Variants in OS9 observed in about 807,000 individuals in gnomAD.
OS9 encodes the protein OS9 endoplasmic reticulum lectin, also known as protein OS-9.
In OS9, 58 loss-of-function variants were observed where a neutral mutation model predicts 84.7. That is an observed-to-expected ratio of 0.68 (90% CI 0.55 to 0.85). The LOEUF (loss-of-function observed/expected upper bound fraction) is 0.85, where lower values mean the gene tolerates loss of function less well. Ranked by LOEUF, OS9 falls within the 40% of genes least tolerant of loss-of-function variation. The pLI is 0.00. For missense variants in OS9, 760 were observed against 850.9 expected (o/e 0.89, Z 1.33); for synonymous variants, 278 against 320.8 (o/e 0.87, Z 1.43).
intron 5 of OS9, among the ~76,000 whole-genome samples, chr12:57,699,192 T>C (rs1953949581): frequency 6.6e-6 from 1 of 152,026 alleles, no homozygotes; most frequent in African/African-American, 2.4e-5. Context: ...AGGAAAATGG[T>C]GAGTTTGGCT....
intron 1 of OS9, 105 bp downstream of exon 1, chr12:57,694,428 C>T (rs1953761318): frequency 7.3e-6 from 9 of 1,231,038 alleles, no homozygotes; most frequent in Non-Finnish European, 7.0e-6. Context: ...TACGGGGAAT[C>T]GGGAAGAGTA....
At position 57,718,396 on chromosome 12, in the gene OS9, G is replaced by A. The variant is rs773646078; in HGVS notation, c.1385G>A (p.Arg462Gln). 25 of 1,613,790 alleles carry A rather than the reference G, an allele frequency of 1.5e-5. No homozygotes were observed. The Middle Eastern group carries it at 1.2e-3, about 75-fold the overall frequency. The change falls in exon 11 of 15, where the codon CGG (arginine) becomes CAG (glutamine). Residue 462 changes from arginine (R) to glutamine (Q), a missense_variant. Transcript: ENST00000315970. The stretch of plus-strand genomic sequence containing the variant: ...TCGGAGGTGAAGGCTGGCATGGAGC[G>A]GGAACTGGAAAACATCATCCAGGAG... ...LRSEVKAGME[R>Q]ELENIIQETE...
At chr12:57,709,993 T>C (rs1276987872) in intron 5 of OS9, among the ~76,000 whole-genome samples, 2 of 152,184 alleles carry the variant, frequency 1.3e-5, no homozygotes, top group South Asian at 2.1e-4. Context: ...GCTGGAATTA[T>C]AGGCGTGTGC....
At chr12:57,719,948 GCA>G in intron 12 of OS9, 149 bp from the exon 13 acceptor site, 1 of 698,728 alleles carries the variant, frequency 1.4e-6, no homozygotes, top group Non-Finnish European at 2.4e-6. Context: ...GAGGGGCGGG[GCA>G]CACATTTTTT....
In OS9 at chr12:57,715,838, C is replaced by T; in HGVS notation, c.658C>T (p.Leu220=). The change falls in exon 6 of 15, where the codon CTG becomes TTG. Residue 220 remains leucine (L), a synonymous_variant. Transcript: ENST00000315970. ...CGAGCCCTTGTCCTGCTCTTATGTGCTGACCATTCGCACTCCTCGGCTCTG... is the reference window on the plus strand; with the variant it reads ...CGAGCCCTTGTCCTGCTCTTATGTGTTGACCATTCGCACTCCTCGGCTCTG... ...VDEPLSCSYV[L]TIRTPRLCPH... is the part of the protein sequence containing the mutation. 2 of 1,613,972 alleles carry T rather than the reference C, an allele frequency of 1.2e-6. No homozygotes were observed. Among genetic ancestry groups the T allele is most frequent in the Non-Finnish European group, 1.7e-6 (2 of 1,179,924 alleles).
At chr12:57,696,830 T>C (rs191123675) in intron 5 of OS9, among the ~76,000 whole-genome samples, 1 of 151,836 alleles carries the variant, frequency 6.6e-6, no homozygotes, top group Admixed American at 6.6e-5. Context: ...CCACATTATT[T>C]CCAGGCCGGG....
chr12:57,696,457 CGGGGGCG>C lies in OS9; in HGVS notation c.579+90_579+96del, dbSNP rs1338680835. ...AGAGGGTTGCATCTTATAGTCGGGG[CGGGGGCG>C]GGGGGGGTCCCCTCCCAGACCCTAA... On this transcript the variant is annotated intron_variant, in intron 5 of 14. Transcript: ENST00000315970. 3.2e-4 allele frequency: 18 copies of C among 56,888 alleles called. 1 individual carries two copies. The highest frequency in any genetic ancestry group is 2.7e-3 in the Admixed American group (8 of 2,998). The allele number at this position is 56,888 out of a possible 1,614,324, so 3.5% of individuals were successfully genotyped here.
chr12:57,707,598 C>T (rs1228671322), intron 5 of OS9, among the ~76,000 whole-genome samples: 3 of 152,120 alleles, frequency 2.0e-5, no homozygotes, highest in African/African-American at 7.2e-5. Flanking sequence ...GGGGTTTCTT[C>T]ATGTTGGTCA....
chr12:57,695,047 G>A, intron 2 of OS9, 121 bp downstream of exon 2: 1 of 775,280 alleles, frequency 1.3e-6, no homozygotes, highest in East Asian at 2.6e-5. Flanking sequence ...ACCACTGGAG[G>A]AGTAGACAGA....
intron 5 of OS9, among the ~76,000 whole-genome samples, chr12:57,709,946 A>T (rs1289891639): frequency 6.6e-6 from 1 of 151,722 alleles, no homozygotes; most frequent in African/African-American, 2.4e-5. Flanking sequence ...TCTGCCTCCC[A>T]GGTTCAAGAG....
chr12:57,721,127 C>T lies in OS9; in HGVS notation c.*218C>T, dbSNP rs1954668558. ...GACCTCACCGGGCCTGTGATATTTG[C>T]TCTCCTGAACTCTCACTCAATCCTC... On this transcript the variant is annotated 3_prime_UTR_variant, in exon 15 of 15. Coordinates refer to ENST00000315970, the MANE Select transcript of OS9 (RefSeq NM_006812.4). 1 of 520,446 alleles carries T rather than the reference C, an allele frequency of 1.9e-6. No homozygotes were observed. Among genetic ancestry groups the T allele is most frequent in the Non-Finnish European group, 3.5e-6 (1 of 286,982 alleles). The allele number at this position is 520,446 out of a possible 1,614,324, so 32.2% of individuals were successfully genotyped here. A position where few individuals can be genotyped will look rare whatever the true frequency, so the allele number is the denominator to read the frequency against.
chr12:57,720,170 A>C lies in OS9; in HGVS notation c.1672A>C (p.Thr558Pro), dbSNP rs1954632687. The change falls in exon 13 of 15, where the codon ACT becomes CCT. Residue 558 changes from threonine to proline, a missense_variant. Physicochemically the swap from Thr to Pro is conservative, Grantham distance 38. Coordinates refer to ENST00000315970, the MANE Select transcript of OS9 (RefSeq NM_006812.4). ...TCTCGGAGGCCCTAATCAGGATCTG[A>C]CTGTCCTCGAGATGAAACGGGAAAA... ...LRLGGPNQDLTVLEMKRENPQ... is the reference protein window; with the variant it reads ...LRLGGPNQDLPVLEMKRENPQ... 6.2e-7 allele frequency: 1 copy of C among 1,614,090 alleles called. No individual in the cohort carries two copies. Among genetic ancestry groups the C allele is most frequent in the Non-Finnish European group, 8.5e-7 (1 of 1,180,006 alleles).
In OS9 at chr12:57,720,528, T is replaced by A. The variant is rs1370763957; in HGVS notation, c.1878+10T>A. The A allele has an allele frequency of 6.3e-7, 1 of 1,583,894 alleles. No individual in the cohort carries two copies. The highest frequency in any genetic ancestry group is 2.2e-5 in the East Asian group (1 of 44,752). On this transcript the variant is annotated intron_variant, in intron 14 of 14. Transcript: ENST00000315970. ...CTTCTTCAATATCTTGGTAAGAGGC[T>A]TCTACCCCCGAGTCCTGGCCCCCAG...
In OS9 at chr12:57,699,168, A is replaced by T. The variant is rs116661789; in HGVS notation, c.579+2795A>T. Among the ~76,000 whole-genome samples the T allele has an allele frequency of 5.7e-3, 874 of 152,172 alleles. 14 individuals are homozygous for T. The highest frequency in any genetic ancestry group is 0.02 in the African/African-American group (833 of 41,476). ...CTGAGATAGGTATAATGAGAAGAGG[A>T]GTAGGTATGGTGAAGGAAAATGGTG... On this transcript the variant is annotated intron_variant, in intron 5 of 14. Coordinates refer to ENST00000315970, the MANE Select transcript of OS9 (RefSeq NM_006812.4).
chr12:57,713,999 T>G (rs1477403203), intron 5 of OS9, among the ~76,000 whole-genome samples: 1 of 151,870 alleles, frequency 6.6e-6, no homozygotes, highest in Non-Finnish European at 1.5e-5. Context: ...AGTCCTACCT[T>G]GGGAGGTTGA....
chr12:57,719,086 A>C lies in OS9; in HGVS notation c.1504A>C (p.Lys502Gln), dbSNP rs1954599468. 1 of 1,614,158 alleles carries C rather than the reference A, an allele frequency of 6.2e-7. No homozygotes were observed. The highest frequency in any genetic ancestry group is 1.3e-5 in the African/African-American group (1 of 75,042). The change falls in exon 12 of 15, where the codon AAA (lysine) becomes CAA (glutamine). Residue 502 changes from lysine (K) to glutamine (Q), a missense_variant. Lys to Gln is a moderately conservative substitution (Grantham distance 53). Transcript: ENST00000315970. ...CACATCCACTCTCAACAAACTCATC[A>C]AAAGACTGGAGGAAAAACAGAGTCC... ...ALTSTLNKLI[K>Q]RLEEKQSPEL...
At chr12:57,694,437 T>C (rs1021472848) in intron 1 of OS9, 114 bp downstream of exon 1, 6 of 1,148,492 alleles carry the variant, frequency 5.2e-6, no homozygotes, top group Non-Finnish European at 6.3e-6. Flanking sequence ...TCGGGAAGAG[T>C]AGGTATTGCT....
chr12:57,720,565 T>C (rs1055548638), intron 14 of OS9, 47 bp downstream of exon 14: 1 of 1,432,910 alleles, frequency 7.0e-7, no homozygotes, highest in Admixed American at 1.7e-5. Context: ...CCTCCTGGAG[T>C]GGAGGTGCGG....
chr12:57,718,128 C>A lies in OS9; in HGVS notation c.1135-18C>A, dbSNP rs780846347. On this transcript the variant is annotated intron_variant, in intron 10 of 14. Transcript: ENST00000315970. The stretch of plus-strand genomic sequence containing the variant: ...TTGAAACCCCAACTGTCTTTCTCCC[C>A]ACTCCCTACCCACCCAGGGGAAGCC... The A allele has an allele frequency of 5.4e-5, 87 of 1,608,658 alleles. No homozygotes were observed. The highest frequency in any genetic ancestry group is 4.2e-6 in the Non-Finnish European group (5 of 1,176,726).
Sources: gnomAD v4.1 joint callset for allele counts (sites outside exome capture counted in the v4.1 genomes callset) on GRCh38, gnomAD v4.1.1 for gene constraint, MANE v1.5 for transcripts, NCBI Gene and HGNC (gene_info 2026-07-23, HGNC 2026-07-21) for gene names.